LTBP4: variants seen among roughly 807,000 people sequenced by gnomAD.
The protein encoded by LTBP4 is latent-transforming growth factor beta-binding protein 4.
In LTBP4, 93 loss-of-function variants were observed where a neutral mutation model predicts 180.2. That is an observed-to-expected ratio of 0.52 (90% CI 0.44 to 0.61). The LOEUF (loss-of-function observed/expected upper bound fraction) is 0.61, where lower values mean the gene tolerates loss of function less well. Among genes scored for constraint, LTBP4 ranks in the 20% least tolerant of loss-of-function variants. The pLI is 0.00. For synonymous variants in LTBP4, 947 were observed against 934.5 expected (o/e 1.01, Z -0.24); for missense variants, 2,116 against 2,256.5 (o/e 0.94, Z 1.26).
rs3786529 is a variant in LTBP4, at chr19:40,623,267, T to C, written c.3556+246T>C. ...TTGGCTCACTGCAACCTTTGTCTCCTGGGTTCAAGCGATTCTCTTGCCTCA... is the reference window on the plus strand; with the variant it reads ...TTGGCTCACTGCAACCTTTGTCTCCCGGGTTCAAGCGATTCTCTTGCCTCA... On this transcript the variant is annotated intron_variant, in intron 24 of 29. Coordinates refer to ENST00000396819, the MANE Select transcript of LTBP4 (RefSeq NM_001042545.2). 0.48 allele frequency among the ~76,000 whole-genome samples: 71,962 copies of C among 150,976 alleles called. 18,567 individuals are homozygous for C. The highest frequency in any genetic ancestry group is 0.67 in the African/African-American group (27,587 of 41,000).
Position 40,627,178 on chromosome 19 carries a change from G to C in LTBP4, c.4189G>C (p.Ala1397Pro), listed in dbSNP as rs774818535. 11 of 1,613,026 alleles carry C rather than the reference G, an allele frequency of 6.8e-6. No homozygotes were observed. The highest frequency in any genetic ancestry group is 9.3e-6 in the Non-Finnish European group (11 of 1,179,646). The stretch of plus-strand genomic sequence containing the variant: ...ACCTGGGCCCTTCGCCCGCCGGGAG[G>C]CTCCTTATGGGGCACCCCGCTTCGA... ...PPPGPFARRE[A>P]PYGAPRFDMP... Residue 1397 changes from alanine to proline, a missense_variant, in exon 28 of 30, where the codon GCT (alanine) becomes CCT (proline). Physicochemically the swap from Ala to Pro is conservative, Grantham distance 27. This residue lies in a region of LTBP4 where 488 missense variants were observed against 458.8 expected (regional missense o/e 1.06). Transcript: ENST00000396819.
intron 1 of LTBP4, 130 bp downstream of exon 1, chr19:40,601,767 G>A (rs191579573): frequency 1.1e-4 from 83 of 766,650 alleles, no homozygotes; most frequent in Middle Eastern, 4.2e-4. Flanking sequence ...AATATCAGGG[G>A]CTATTTGAGG....
intron 22 of LTBP4, among the ~76,000 whole-genome samples, chr19:40,620,912 C>T (rs1458047046): frequency 3.9e-5 from 6 of 151,952 alleles, no homozygotes; most frequent in Non-Finnish European, 8.8e-5. Context: ...GATCCCGTCA[C>T]CCAGATAGTA....
rs1421530568 is a variant in LTBP4 at position 40,624,096 on chromosome 19, C to T, written c.3832+14C>T. 1 of 1,525,528 alleles carries T rather than the reference C, an allele frequency of 6.6e-7. No individual in the cohort carries two copies. The highest frequency in any genetic ancestry group is 1.4e-5 in the African/African-American group (1 of 73,004). The allele number at this position is 1,525,528 out of a possible 1,614,324, so 94.5% of individuals were successfully genotyped here. On this transcript the variant is annotated intron_variant, in intron 26 of 29. Coordinates refer to ENST00000396819, the MANE Select transcript of LTBP4 (RefSeq NM_001042545.2). ...GCCAGAGCCTCGGTAACCCCGCCCACGCCATCCAGGCCCTCCTTCCCTTGG... is the reference window on the plus strand; with the variant it reads ...GCCAGAGCCTCGGTAACCCCGCCCATGCCATCCAGGCCCTCCTTCCCTTGG...
At chr19:40,628,079 G>A (rs911275268) in intron 29 of LTBP4, among the ~76,000 whole-genome samples, 17 of 152,258 alleles carry the variant, frequency 1.1e-4, no homozygotes, top group Non-Finnish European at 2.5e-4. Context: ...CGGGGCTGGA[G>A]CCGGGCCTTG....
rs1343181945 is a variant in LTBP4 at position 40,611,127 on chromosome 19, A to G, written c.1811-25A>G. Reference sequence around the variant, plus strand: ...TCAGGGAGGCAGAGGGGAACAAGTGACCCCGGGCCCCCTGCCCTGTGCAGA... The same window carrying G: ...TCAGGGAGGCAGAGGGGAACAAGTGGCCCCGGGCCCCCTGCCCTGTGCAGA... On this transcript the variant is annotated intron_variant, in intron 12 of 29. Transcript: ENST00000396819. This position sits in a 1 kb window ranked among gnomAD's most constrained non-coding sequence, Gnocchi z 4.4. 6.8e-6 allele frequency: 11 copies of G among 1,609,150 alleles called. No individual in the cohort carries two copies. In the East Asian group the frequency reaches 8.9e-5, roughly 13 times the overall value.
In LTBP4 at chr19:40,594,400, G is replaced by A. The variant is rs1051482111; in HGVS notation, c.16+1219G>A. 2.0e-5 allele frequency: 3 copies of A among 151,914 alleles called. No individual in the cohort carries two copies. In the East Asian group the frequency reaches 5.8e-4, roughly 29 times the overall value. 9.4% of individuals were successfully genotyped at this position (151,914 alleles called of 1,614,324 possible). A position where few individuals can be genotyped will look rare whatever the true frequency, so the allele number is the denominator to read the frequency against. On this transcript the variant is annotated intron_variant, in intron 1 of 32. Transcript: ENST00000204005. ...ACTGATGGGAGGGATGGGGAGCTGGGGACTCCAAATTCTAGGGGGAGGGGA... is the reference window on the plus strand; with the variant it reads ...ACTGATGGGAGGGATGGGGAGCTGGAGACTCCAAATTCTAGGGGGAGGGGA...
intron 18 of LTBP4, 62 bp from the exon 19 acceptor site, chr19:40,614,253 C>A: frequency 1.9e-6 from 3 of 1,572,424 alleles, no homozygotes; most frequent in Non-Finnish European, 2.6e-6. Flanking sequence ...CCTCTCCCCT[C>A]TTTGTATCCC....
At chr19:40,602,178 TG>T (rs2081428720) in intron 1 of LTBP4, among the ~76,000 whole-genome samples, 1 of 104,842 alleles carries the variant, frequency 9.5e-6, no homozygotes, top group African/African-American at 3.8e-5. Flanking sequence ...TGTGTGTGTG[TG>T]TGTGGCGGCG....
intron 4 of LTBP4, 51 bp from the exon 5 acceptor site, chr19:40,606,182 A>G (rs1023155619): frequency 2.0e-6 from 3 of 1,497,440 alleles, no homozygotes; most frequent in Non-Finnish European, 2.7e-6. Flanking sequence ...TGCCCACTCC[A>G]TTCTCGCTCT....
At chr19:40,599,459 G>A (rs765400259), upstream of LTBP4, 5 of 1,613,904 alleles carry the variant, frequency 3.1e-6, no homozygotes, top group Admixed American at 6.7e-5. Context: ...CAAAAAGTGT[G>A]CAGGCCCCCA....
At chr19:40,625,277 TATATATATATATATA>T (rs2081619054) in intron 26 of LTBP4, among the ~76,000 whole-genome samples, 3 of 7,678 alleles carry the variant, frequency 3.9e-4, no homozygotes, top group African/African-American at 1.2e-3. Flanking sequence ...TATATATATA[TATATATATATATATA>T]TATATATATA....
Position 40,610,697 on chromosome 19 carries a change from G to A in LTBP4, c.1810+40G>A, listed in dbSNP as rs370677044. 1.2e-5 allele frequency: 18 copies of A among 1,553,226 alleles called. No individual in the cohort carries two copies. In the South Asian group the frequency reaches 1.3e-4, roughly 11 times the overall value. On this transcript the variant is annotated intron_variant, in intron 12 of 29. Coordinates refer to ENST00000396819, the MANE Select transcript of LTBP4 (RefSeq NM_001042545.2). ...GGGGCAGCTGGGAAGGGGTGTGAGCGGTTGGGTAGAGCGCAGTGATGAGGG... is the reference window on the plus strand; with the variant it reads ...GGGGCAGCTGGGAAGGGGTGTGAGCAGTTGGGTAGAGCGCAGTGATGAGGG...
intron 12 of LTBP4, chr19:40,610,914 A>T (rs1488900845): frequency 2.8e-6 from 2 of 715,298 alleles, no homozygotes; most frequent in Non-Finnish European, 4.5e-6. Flanking sequence ...GTAATCGGGT[A>T]AGGGGAGCAG....
rs773458199 is a variant in LTBP4, at chr19:40,613,489, C to A, written c.2517C>A (p.Ala839=). ...ACGGCTCCTTTGCCTGTACTTGTGC[C>A]CCTGGCTACCGACCCGGACCCCGCG... ...NTDGSFACTC[A]PGYRPGPRGA... The change falls in exon 17 of 30, where the codon GCC becomes GCA. Residue 839 remains alanine, a synonymous_variant. Transcript: ENST00000396819. This position sits in a 1 kb window ranked among gnomAD's most constrained non-coding sequence, Gnocchi z 5.0. 3.8e-6 allele frequency: 6 copies of A among 1,585,904 alleles called. No homozygotes were observed. In the South Asian group the frequency reaches 6.9e-5, roughly 18 times the overall value.
At position 40,601,508 on chromosome 19, in the gene LTBP4, T is replaced by C; in HGVS notation, c.121T>C (p.Cys41Arg). The change falls in exon 1 of 30, where the codon TGC becomes CGC. Residue 41 changes from cysteine (C) to arginine (R), a missense_variant. Cys to Arg is a radical substitution (Grantham distance 180). This residue lies in a region of LTBP4 where 469 missense variants were observed against 532.5 expected (regional missense o/e 0.88). Coordinates refer to ENST00000396819, the MANE Select transcript of LTBP4 (RefSeq NM_001042545.2). The stretch of plus-strand genomic sequence containing the variant: ...CCGCGTGCGCTTCACCCCGGTCGTG[T>C]GCGGCCTGCGCTGCGTCCATGGGCC... ...RLRVRFTPVV[C>R]GLRCVHGPTG... The C allele has an allele frequency of 6.7e-7, 1 of 1,498,316 alleles. No homozygotes were observed. The highest frequency in any genetic ancestry group is 8.8e-7 in the Non-Finnish European group (1 of 1,130,666). The allele number at this position is 1,498,316 out of a possible 1,614,324, so 92.8% of individuals were successfully genotyped here.
chr19:40,597,106 C>G (rs1006384609), upstream of LTBP4: 13 of 899,466 alleles, frequency 1.4e-5, no homozygotes, highest in East Asian at 3.6e-5. Flanking sequence ...GTTCGCAGCC[C>G]GTGGCTGGAC....
intron 22 of LTBP4, among the ~76,000 whole-genome samples, chr19:40,621,750 T>TTTTG (rs926775377): frequency 6.6e-6 from 1 of 151,844 alleles, no homozygotes; most frequent in Non-Finnish European, 1.5e-5. Flanking sequence ...GGCATAGGTT[T>TTTTG]TTTGTTTGTT....
At chr19:40,624,115 C>T in intron 26 of LTBP4, 33 bp downstream of exon 26, 2 of 1,494,002 alleles carry the variant, frequency 1.3e-6, no homozygotes, top group Non-Finnish European at 1.8e-6. Context: ...GGCCCTCCTT[C>T]CCTTGGCTCG....
Sources: allele counts gnomAD v4.1 joint callset (sites outside exome capture counted in the v4.1 genomes callset), GRCh38; gene constraint gnomAD v4.1.1; regional missense constraint gnomAD v4.1.1; non-coding constraint Gnocchi (gnomAD v3.1); transcripts MANE v1.5; gene names NCBI Gene and HGNC (gene_info 2026-07-23, HGNC 2026-07-21).